The following LIN52 variants were observed in gnomAD, a reference collection of about 807,000 sequenced individuals.
LIN52 encodes the protein protein lin-52 homolog.
A neutral mutation model predicts 18.5 loss-of-function variants in LIN52; 4 were observed. That is an observed-to-expected ratio of 0.22 (90% CI 0.11 to 0.49). LIN52 has a LOEUF of 0.49. LIN52 is among the 20% of genes least tolerant of loss of function. The pLI is 0.97. For synonymous variants in LIN52, 34 were observed against 45.5 expected (o/e 0.75, Z 1.02); for missense variants, 102 against 139.5 (o/e 0.73, Z 1.35).
intron 5 of LIN52, among the ~76,000 whole-genome samples, chr14:74,115,826 C>T (rs74371417): frequency 6.6e-6 from 1 of 152,288 alleles, no homozygotes; most frequent in East Asian, 1.9e-4. Context: ...ATTTCATAAA[C>T]CCAACATTGC....
intron 5 of LIN52, among the ~76,000 whole-genome samples, chr14:74,167,058 A>G (rs1294922036): frequency 6.6e-6 from 1 of 150,838 alleles, no homozygotes; most frequent in Non-Finnish European, 1.5e-5. Flanking sequence ...TGTATCCCCA[A>G]ACCACTCAGG....
At chr14:74,093,534 C>G (rs1303244330) in intron 2 of LIN52, among the ~76,000 whole-genome samples, 1 of 151,468 alleles carries the variant, frequency 6.6e-6, no homozygotes, top group African/African-American at 2.4e-5. Flanking sequence ...CCATGTTGGA[C>G]AGGCTGGTCT....
chr14:74,157,459 A>ATATATATAT (rs371363719), intron 5 of LIN52, among the ~76,000 whole-genome samples: 17 of 139,930 alleles, frequency 1.2e-4, no homozygotes, highest in African/African-American at 4.1e-4. Context: ...ATATATATAT[A>ATATATATAT]TTTTTTAATT....
chr14:74,103,093 T>G (rs1281735179), intron 5 of LIN52, among the ~76,000 whole-genome samples: 2 of 152,228 alleles, frequency 1.3e-5, no homozygotes, highest in Non-Finnish European at 2.9e-5. Flanking sequence ...TTTTGTTTTG[T>G]TTTGAGACAG....
intron 5 of LIN52, chr14:74,114,212 G>GTGTT: frequency 1.2e-6 from 1 of 853,818 alleles, no homozygotes; most frequent in Non-Finnish European, 1.4e-6. Flanking sequence ...GTGTGTGTGT[G>GTGTT]TAGTTTTAAC....
At chr14:74,137,486 C>A (rs529627343) in intron 5 of LIN52, among the ~76,000 whole-genome samples, 1 of 141,450 alleles carries the variant, frequency 7.1e-6, no homozygotes, top group Non-Finnish European at 1.5e-5. Context: ...CTAAATTCTT[C>A]ACAGCAGCTC....
intron 5 of LIN52, among the ~76,000 whole-genome samples, chr14:74,108,962 G>A (rs2060912195): frequency 6.6e-6 from 1 of 152,160 alleles, no homozygotes; most frequent in East Asian, 1.9e-4. Context: ...TGTCCTACCT[G>A]ATAAACCATT....
Position 74,200,457 on chromosome 14 carries a change from G to T in LIN52, c.*1480G>T, listed in dbSNP as rs2078941882. 6.8e-6 allele frequency: 1 copy of T among 146,224 alleles called. No homozygotes were observed. The highest frequency in any genetic ancestry group is 6.8e-5 in the Admixed American group (1 of 14,646). 9.1% of individuals were successfully genotyped at this position (146,224 alleles called of 1,614,324 possible). A position where few individuals can be genotyped will look rare whatever the true frequency, so the allele number is the denominator to read the frequency against. ...AAAAAAAAAAAAGAATATCCCTGTG[G>T]CAATAGTCTGATGGTGTTTGGACAC... is the stretch of plus-strand genomic sequence containing the variant. On this transcript the variant is annotated 3_prime_UTR_variant, in exon 6 of 6. Transcript: ENST00000555028.
At chr14:74,098,917 A>G (rs923274394) in intron 4 of LIN52, among the ~76,000 whole-genome samples, 3 of 152,188 alleles carry the variant, frequency 2.0e-5, no homozygotes. Flanking sequence ...ATTTACTGCC[A>G]TATATTGTCA....
intron 5 of LIN52, among the ~76,000 whole-genome samples, chr14:74,179,733 A>G (rs2061309942): frequency 6.6e-6 from 1 of 151,944 alleles, no homozygotes; most frequent in African/African-American, 2.4e-5. Context: ...TCTGTAGGCC[A>G]TATTTTCTAA....
chr14:74,171,899 T>C (rs935141078), intron 5 of LIN52, among the ~76,000 whole-genome samples: 1 of 151,912 alleles, frequency 6.6e-6, no homozygotes, highest in Admixed American at 6.6e-5. Context: ...CCACCAAACC[T>C]GGCTAATTTT....
chr14:74,088,895 A>G (rs2060752900), intron 1 of LIN52, among the ~76,000 whole-genome samples: 1 of 152,200 alleles, frequency 6.6e-6, no homozygotes. Flanking sequence ...GCAAGGGAAG[A>G]GTGGAAGAGA....
chr14:74,124,308 A>G (rs12895837), intron 5 of LIN52, among the ~76,000 whole-genome samples: 1 of 152,176 alleles, frequency 6.6e-6, no homozygotes, highest in Admixed American at 6.6e-5. Flanking sequence ...TTATACAATA[A>G]CACTTCATGG....
At chr14:74,101,804 T>C (rs1005097075) in intron 5 of LIN52, among the ~76,000 whole-genome samples, 1 of 152,064 alleles carries the variant, frequency 6.6e-6, no homozygotes, top group African/African-American at 2.4e-5. Flanking sequence ...CCCTTCAGGT[T>C]ATTATCTCAT....
At chr14:74,186,900 G>A (rs544890819) in intron 5 of LIN52, among the ~76,000 whole-genome samples, 75 of 152,244 alleles carry the variant, frequency 4.9e-4, no homozygotes, top group South Asian at 1.5e-3. Flanking sequence ...CCAACATGGT[G>A]AAACCCCATC....
rs141811202 is a variant in LIN52 at position 74,169,387 on chromosome 14, G to T, written c.284-29535G>T. 6.2e-3 allele frequency among the ~76,000 whole-genome samples: 943 copies of T among 152,116 alleles called. 12 individuals are homozygous for T. The highest frequency in any genetic ancestry group is 0.051 in the Middle Eastern group (15 of 294). ...CTTAAGAGTTACCTTCCTTTTCTGT[G>T]TATTCTGGTTGCTGTTTTCTGGTGA... On this transcript the variant is annotated intron_variant, in intron 5 of 5. Coordinates refer to ENST00000555028, the MANE Select transcript of LIN52 (RefSeq NM_001024674.3).
At chr14:74,157,375 G>A (rs1037331483) in intron 5 of LIN52, among the ~76,000 whole-genome samples, 8 of 151,332 alleles carry the variant, frequency 5.3e-5, no homozygotes, top group East Asian at 1.9e-4. Flanking sequence ...AGACACTTAG[G>A]TTGATTCTGT....
intron 5 of LIN52, among the ~76,000 whole-genome samples, chr14:74,168,444 G>C (rs2061258312): frequency 6.6e-6 from 1 of 152,148 alleles, no homozygotes; most frequent in African/African-American, 2.4e-5. Context: ...TGAGGCAGGT[G>C]GATCACGAGG....
intron 5 of LIN52, among the ~76,000 whole-genome samples, chr14:74,191,914 C>T (rs1413946853): frequency 6.6e-6 from 1 of 152,116 alleles, no homozygotes; most frequent in African/African-American, 2.4e-5. Context: ...GGATTACAGG[C>T]GTGAGCCACC....
Sources: allele counts gnomAD v4.1 joint callset (sites outside exome capture counted in the v4.1 genomes callset), GRCh38; gene constraint gnomAD v4.1.1; transcripts MANE v1.5; gene names NCBI Gene and HGNC (gene_info 2026-07-23, HGNC 2026-07-21).